NKAIN2: variants seen among roughly 807,000 people sequenced by gnomAD.
NKAIN2 encodes the protein sodium/potassium-transporting ATPase subunit beta-1-interacting protein 2.
NKAIN2 carries 14 observed loss-of-function variants against 32.6 expected under a neutral mutation model. That is an observed-to-expected ratio of 0.43 (90% confidence interval 0.28 to 0.67). The LOEUF (loss-of-function observed/expected upper bound fraction) is 0.67, where lower values mean the gene tolerates loss of function less well. Ranked by LOEUF, NKAIN2 falls within the 30% of genes least tolerant of loss-of-function variation. The probability of loss-of-function intolerance (pLI) is 0.17; values close to 1 mark genes in which losing one functional copy is unlikely to be tolerated. For missense variants in NKAIN2, 198 were observed against 258.3 expected (o/e 0.77, Z 1.60); for synonymous variants, 80 against 87.2 (o/e 0.92, Z 0.46).
At chr6:124,530,820 C>T (rs530213981) in intron 3 of NKAIN2, among the ~76,000 whole-genome samples, 6 of 152,216 alleles carry the variant, frequency 3.9e-5, no homozygotes, top group African/African-American at 1.4e-4. Flanking sequence ...TCCAAAGCTC[C>T]AAGAACCATG....
chr6:124,007,499 T>C (rs1171099499), intron 1 of NKAIN2, among the ~76,000 whole-genome samples: 1 of 152,208 alleles, frequency 6.6e-6, no homozygotes, highest in African/African-American at 2.4e-5. Flanking sequence ...TTCTCATAGC[T>C]CAGGGATGGC....
chr6:124,298,050 T>C (rs1183948597), intron 2 of NKAIN2, among the ~76,000 whole-genome samples: 2 of 152,210 alleles, frequency 1.3e-5, no homozygotes, highest in Non-Finnish European at 2.9e-5. Context: ...TCTCAAATGT[T>C]ATCTATTATG....
chr6:124,450,069 A>C (rs1457399879), intron 3 of NKAIN2, among the ~76,000 whole-genome samples: 2 of 152,116 alleles, frequency 1.3e-5, no homozygotes, highest in Non-Finnish European at 2.9e-5. Context: ...AAATTTCCTT[A>C]TAACTGAAGA....
intron 1 of NKAIN2, among the ~76,000 whole-genome samples, chr6:124,189,092 C>T (rs536053812): frequency 8.5e-5 from 13 of 152,150 alleles, no homozygotes; most frequent in African/African-American, 3.1e-4. Context: ...TGAAATCATG[C>T]ACACCTAGAA....
intron 1 of NKAIN2, among the ~76,000 whole-genome samples, chr6:124,253,905 C>G (rs758826482): frequency 1.3e-5 from 2 of 150,590 alleles, no homozygotes; most frequent in Non-Finnish European, 3.0e-5. Context: ...TAAACCTCCA[C>G]TCCCCAGGTT....
chr6:124,775,683 A>G (rs1278893623), intron 4 of NKAIN2, among the ~76,000 whole-genome samples: 1 of 152,156 alleles, frequency 6.6e-6, no homozygotes, highest in East Asian at 1.9e-4. Context: ...GTGAAATGGG[A>G]AAATGCCTGC....
At chr6:124,701,171 ACACACACCG>A (rs1340331300) in intron 4 of NKAIN2, among the ~76,000 whole-genome samples, 195 of 151,784 alleles carry the variant, frequency 1.3e-3, no homozygotes, top group African/African-American at 4.6e-3. Flanking sequence ...ACACACACAC[ACACACACCG>A]GATGACATAC....
chr6:124,627,737 C>CA (rs547701741), intron 3 of NKAIN2, among the ~76,000 whole-genome samples: 218 of 152,234 alleles, frequency 1.4e-3, no homozygotes, highest in African/African-American at 5.2e-3. Context: ...CTAAGGTACT[C>CA]AGTCGTCTTA....
chr6:123,889,952 G>C (rs1582722264), intron 1 of NKAIN2, among the ~76,000 whole-genome samples: 1 of 151,956 alleles, frequency 6.6e-6, no homozygotes, highest in African/African-American at 2.4e-5. Context: ...CACAATGATG[G>C]CAGAAGATGA....
chr6:124,283,225 T>A, intron 2 of NKAIN2, 83 bp downstream of exon 2: 1 of 901,228 alleles, frequency 1.1e-6, no homozygotes. Flanking sequence ...AACTTATGTG[T>A]ATAATCTATC....
At chr6:123,951,182 G>A (rs1777308928) in intron 1 of NKAIN2, among the ~76,000 whole-genome samples, 1 of 151,996 alleles carries the variant, frequency 6.6e-6, no homozygotes. Context: ...GGCTTAACAT[G>A]ATTGATCATG....
chr6:124,087,351 T>A (rs544787573), intron 1 of NKAIN2, among the ~76,000 whole-genome samples: 1 of 152,014 alleles, frequency 6.6e-6, no homozygotes, highest in Non-Finnish European at 1.5e-5. Context: ...GCTTTTTCAC[T>A]AATATCAGAA....
intron 3 of NKAIN2, among the ~76,000 whole-genome samples, chr6:124,635,003 G>A (rs1783717636): frequency 7.0e-6 from 1 of 142,254 alleles, no homozygotes; most frequent in Non-Finnish European, 1.6e-5. Context: ...AAAGAAAAAA[G>A]AAAAGAAAAA....
intron 3 of NKAIN2, among the ~76,000 whole-genome samples, chr6:124,505,533 C>T (rs1012336980): frequency 2.6e-5 from 4 of 152,170 alleles, no homozygotes; most frequent in African/African-American, 9.7e-5. Context: ...TAATTCCATG[C>T]TGAGACAGCT....
chr6:124,171,758 C>T (rs1397088331), intron 1 of NKAIN2, among the ~76,000 whole-genome samples: 2 of 142,676 alleles, frequency 1.4e-5, no homozygotes, highest in African/African-American at 5.2e-5. Flanking sequence ...CACCGTGTTG[C>T]CCAGGCTGGT....
intron 4 of NKAIN2, among the ~76,000 whole-genome samples, chr6:124,716,830 T>C (rs73770546): frequency 0.017 from 762 of 45,610 alleles, 9 homozygotes; most frequent in African/African-American, 0.067. Flanking sequence ...CATCTTCATA[T>C]TATATAGTTT....
intron 1 of NKAIN2, among the ~76,000 whole-genome samples, chr6:123,981,829 G>T (rs74706995): frequency 1.3e-5 from 2 of 152,108 alleles, no homozygotes; most frequent in Non-Finnish European, 2.9e-5. Flanking sequence ...GGGATGGAGA[G>T]GGAGAGCAGG....
At chr6:124,586,772 CA>C (rs1781727105) in intron 3 of NKAIN2, among the ~76,000 whole-genome samples, 1 of 152,100 alleles carries the variant, frequency 6.6e-6, no homozygotes, top group African/African-American at 2.4e-5. Context: ...TTGTGGTCAT[CA>C]AAACTGAAAC....
intron 3 of NKAIN2, among the ~76,000 whole-genome samples, chr6:124,434,135 A>G (rs1162272918): frequency 6.6e-6 from 1 of 152,156 alleles, no homozygotes; most frequent in Non-Finnish European, 1.5e-5. Context: ...AGGAAAACAA[A>G]AGGTGGAGAG....
Sources: gnomAD v4.1 joint callset for allele counts (sites outside exome capture counted in the v4.1 genomes callset) on GRCh38, gnomAD v4.1.1 for gene constraint, MANE v1.5 for transcripts, NCBI Gene and HGNC (gene_info 2026-07-23, HGNC 2026-07-21) for gene names.